Variants in SPTBN1 observed in about 807,000 individuals in gnomAD.
SPTBN1 encodes the protein spectrin beta chain, non-erythrocytic 1.
Under a neutral mutation model 266.4 loss-of-function variants are expected in SPTBN1, and 32 were observed. The observed-to-expected ratio is 0.12, with a 90% confidence interval of 0.09 to 0.16. The LOEUF is 0.16. Ranked by LOEUF, SPTBN1 falls within the 10% of genes least tolerant of loss-of-function variation. The pLI is 1.00. For synonymous variants in SPTBN1, 1,336 were observed against 1,162.2 expected (o/e 1.15, Z -3.04); for missense variants, 2,296 against 3,067.1 (o/e 0.75, Z 5.94).
In SPTBN1 at chr2:54,649,237, G is replaced by C. The variant is rs754294912; in HGVS notation, c.5202+47G>C. ...TGAGTTGGTTGTGCAGTAAGCGATG[G>C]TGTGGAAGGCCATTTGCATTCCTTG... On this transcript the variant is annotated intron_variant, in intron 25 of 35. Coordinates refer to ENST00000356805, the MANE Select transcript of SPTBN1 (RefSeq NM_003128.3). This position sits in a 1 kb window ranked among gnomAD's most constrained non-coding sequence, Gnocchi z 6.7. The C allele has an allele frequency of 3.9e-6, 6 of 1,546,008 alleles. No homozygotes were observed. In the Admixed American group the frequency reaches 5.4e-5, roughly 14 times the overall value.
chr2:54,581,097 TAAAAA>T (rs904355825), intron 2 of SPTBN1, among the ~76,000 whole-genome samples: 11 of 150,162 alleles, frequency 7.3e-5, no homozygotes, highest in Admixed American at 2.0e-4. Flanking sequence ...GACTTAGTCT[TAAAAA>T]AAAAGAAAAA....
intron 1 of SPTBN1, among the ~76,000 whole-genome samples, chr2:54,461,685 AG>A (rs1315662526): frequency 6.6e-6 from 1 of 152,184 alleles, no homozygotes; most frequent in Non-Finnish European, 1.5e-5. Flanking sequence ...CTGATTATTG[AG>A]TTTGAATGTC....
chr2:54,559,534 C>CA (rs969851224), intron 2 of SPTBN1, among the ~76,000 whole-genome samples: 20 of 152,112 alleles, frequency 1.3e-4, no homozygotes, highest in African/African-American at 4.3e-4. Context: ...TTTTAAGGCT[C>CA]AGACAATTGA....
chr2:54,634,119 C>G (rs1181073132), intron 17 of SPTBN1, among the ~76,000 whole-genome samples: 1 of 152,142 alleles, frequency 6.6e-6, no homozygotes, highest in East Asian at 1.9e-4. Flanking sequence ...ATAAGATATC[C>G]TATGTACTTC....
Position 54,655,111 on chromosome 2 carries a change from G to C in SPTBN1, c.5864G>C (p.Gly1955Ala), listed in dbSNP as rs750929617. The change falls in exon 28 of 36, where the codon GGC (glycine) becomes GCC (alanine). Residue 1955 changes from glycine to alanine, a missense_variant. Coordinates refer to ENST00000356805, the MANE Select transcript of SPTBN1 (RefSeq NM_003128.3). ...SVELLMNNHQ[G>A]IKAEIDARND... is the part of the protein sequence containing the mutation. Reference sequence around the variant, plus strand: ...GAACTCTTAATGAATAATCATCAAGGCATCAAAGCTGAAATTGATGCACGT... The same window carrying C: ...GAACTCTTAATGAATAATCATCAAGCCATCAAAGCTGAAATTGATGCACGT... 3.7e-6 allele frequency: 6 copies of C among 1,614,024 alleles called. No homozygotes were observed. The Admixed American group carries it at 8.3e-5, about 22-fold the overall frequency.
intron 2 of SPTBN1, among the ~76,000 whole-genome samples, chr2:54,586,877 A>G (rs1675331525): frequency 6.6e-6 from 1 of 152,220 alleles, no homozygotes; most frequent in Middle Eastern, 3.2e-3. Context: ...ACATTGAGGT[A>G]GAGCAGAATC....
At chr2:54,539,934 T>G (rs948233036) in intron 2 of SPTBN1, among the ~76,000 whole-genome samples, 8 of 152,086 alleles carry the variant, frequency 5.3e-5, no homozygotes, top group African/African-American at 1.9e-4. Context: ...CATGAGGGTG[T>G]TAGGAGGTGA....
chr2:54,579,970 G>A (rs971455306), intron 2 of SPTBN1, among the ~76,000 whole-genome samples: 3 of 152,312 alleles, frequency 2.0e-5, no homozygotes, highest in Admixed American at 1.3e-4. Context: ...TGGTGAGAAC[G>A]GCTCTCTGGT....
At chr2:54,486,167 C>A (rs531146140) in intron 1 of SPTBN1, among the ~76,000 whole-genome samples, 1,916 of 139,990 alleles carry the variant, frequency 0.014, 45 homozygotes, top group African/African-American at 0.046. Context: ...CCGGCCGCCC[C>A]TGCTGGGAAG....
Position 54,631,327 on chromosome 2 carries a change from C to G in SPTBN1, c.3280C>G (p.Leu1094Val). 3 of 1,614,272 alleles carry G rather than the reference C, an allele frequency of 1.9e-6. No homozygotes were observed. Among genetic ancestry groups the G allele is most frequent in the Non-Finnish European group, 2.5e-6 (3 of 1,180,052 alleles). The change falls in exon 16 of 36, where the codon CTG (leucine) becomes GTG (valine). Residue 1094 changes from leucine (L) to valine (V), a missense_variant. This residue lies in a region of SPTBN1 where 386 missense variants were observed against 486.1 expected (regional missense o/e 0.79). Transcript: ENST00000356805. ...AIASEDMPNT[L>V]TEAEKLLTQH... ...CGCCTCGGAGGACATGCCAAACACC[C>G]TGACCGAGGCTGAGAAGCTGCTCAC...
chr2:54,498,698 C>G (rs1669098339), intron 1 of SPTBN1, among the ~76,000 whole-genome samples: 1 of 152,090 alleles, frequency 6.6e-6, no homozygotes. Flanking sequence ...TTTCAAGAAG[C>G]TCCCATGCAT....
intron 26 of SPTBN1, among the ~76,000 whole-genome samples, chr2:54,651,437 T>G (rs1558471165): frequency 6.6e-6 from 1 of 152,216 alleles, no homozygotes; most frequent in Non-Finnish European, 1.5e-5. Flanking sequence ...TCTGGGTTTC[T>G]TTTCACAGAA....
Position 54,669,079 on chromosome 2 carries a change from G to A in SPTBN1, c.*510G>A, listed in dbSNP as rs1681574897. 6.0e-6 allele frequency: 1 copy of A among 165,302 alleles called. No individual in the cohort carries two copies. Among genetic ancestry groups the A allele is most frequent in the Non-Finnish European group, 1.3e-5 (1 of 75,620 alleles). The allele number at this position is 165,302 out of a possible 1,614,324, so 10.2% of individuals were successfully genotyped here. A position where few individuals can be genotyped will look rare whatever the true frequency, so the allele number is the denominator to read the frequency against. Reference sequence around the variant, plus strand: ...ATTATGATCTTGCTGCAGCCACAGTGCAGCTCCACATTAACTCTACAGACC... The same window carrying A: ...ATTATGATCTTGCTGCAGCCACAGTACAGCTCCACATTAACTCTACAGACC... On this transcript the variant is annotated 3_prime_UTR_variant, in exon 36 of 36. Coordinates refer to ENST00000356805, the MANE Select transcript of SPTBN1 (RefSeq NM_003128.3).
chr2:54,613,165 C>T (rs962752622), intron 4 of SPTBN1, among the ~76,000 whole-genome samples: 10 of 152,274 alleles, frequency 6.6e-5, no homozygotes, highest in African/African-American at 2.4e-4. Context: ...CGTACTCATG[C>T]GTTCCAATTA....
At chr2:54,480,276 G>A (rs917011644) in intron 1 of SPTBN1, among the ~76,000 whole-genome samples, 1 of 152,192 alleles carries the variant, frequency 6.6e-6, no homozygotes, top group Non-Finnish European at 1.5e-5. Flanking sequence ...GGTGGGGAGT[G>A]GCAAAGCCCA....
chr2:54,492,347 T>TG (rs140485229), intron 1 of SPTBN1, among the ~76,000 whole-genome samples: 2,202 of 148,354 alleles, frequency 0.015, 79 homozygotes, highest in East Asian at 0.085. Context: ...AGTTGTTTTT[T>TG]TGTTTTTTTT....
chr2:54,542,084 T>G (rs1008364086), intron 2 of SPTBN1, among the ~76,000 whole-genome samples: 6 of 152,274 alleles, frequency 3.9e-5, no homozygotes, highest in African/African-American at 1.4e-4. Flanking sequence ...TGATTTTGTT[T>G]CATTCATTTA....
Position 54,668,650 on chromosome 2 carries a change from C to T in SPTBN1, c.*81C>T. The T allele has an allele frequency of 7.4e-7, 1 of 1,349,338 alleles. No homozygotes were observed. Among genetic ancestry groups the T allele is most frequent in the South Asian group, 1.3e-5 (1 of 76,746 alleles). 83.6% of individuals were successfully genotyped at this position (1,349,338 alleles called of 1,614,324 possible). ...GCAAGCTCAGAACCAACACATTACTCTCTGTGCCTAATGTTCCTCAATGTG... is the reference window on the plus strand; with the variant it reads ...GCAAGCTCAGAACCAACACATTACTTTCTGTGCCTAATGTTCCTCAATGTG... On this transcript the variant is annotated 3_prime_UTR_variant, in exon 36 of 36. Coordinates refer to ENST00000356805, the MANE Select transcript of SPTBN1 (RefSeq NM_003128.3).
intron 1 of SPTBN1, among the ~76,000 whole-genome samples, chr2:54,511,045 G>C (rs925857316): frequency 1.1e-4 from 17 of 152,158 alleles, no homozygotes; most frequent in Admixed American, 1.1e-3. Context: ...GGGCTGATTG[G>C]CTTGGTTGGA....
Sources: gnomAD v4.1 joint callset for allele counts (sites outside exome capture counted in the v4.1 genomes callset) on GRCh38, gnomAD v4.1.1 for gene constraint, gnomAD v4.1.1 regional missense constraint, Gnocchi (gnomAD v3.1) non-coding constraint, MANE v1.5 for transcripts, NCBI Gene and HGNC (gene_info 2026-07-23, HGNC 2026-07-21) for gene names.